The following APBA2 variants were observed in gnomAD, a reference collection of about 807,000 sequenced individuals.
The protein encoded by APBA2 is amyloid-beta A4 precursor protein-binding family A member 2.
Under a neutral mutation model 75.0 loss-of-function variants are expected in APBA2, and 30 were observed. The observed-to-expected ratio is 0.40, with a 90% CI of 0.30 to 0.54. The LOEUF is 0.54. Among genes scored for constraint, APBA2 ranks in the 20% least tolerant of loss-of-function variants. The probability of loss-of-function intolerance (pLI) is 0.49; values close to 1 mark genes in which losing one functional copy is unlikely to be tolerated. For synonymous variants in APBA2, 444 were observed against 409.6 expected (o/e 1.08, Z -1.01); for missense variants, 801 against 1,016.1 (o/e 0.79, Z 2.88).
chr15:29,064,860 G>A (rs1338078474), intron 4 of APBA2, among the ~76,000 whole-genome samples: 4 of 152,144 alleles, frequency 2.6e-5, no homozygotes, highest in South Asian at 2.1e-4. Context: ...ACCCGTTGGC[G>A]GTGGCCACCT....
chr15:29,099,766 T>G (rs2044026392), intron 9 of APBA2, among the ~76,000 whole-genome samples: 1 of 152,064 alleles, frequency 6.6e-6, no homozygotes, highest in Non-Finnish European at 1.5e-5. Flanking sequence ...ACACCTGGGG[T>G]GGGAGGATGG....
Position 28,900,513 on chromosome 15 carries a change from A to G in APBA2, c.-205+14235A>G, listed in dbSNP as rs761978805. On this transcript the variant is annotated intron_variant, in intron 1 of 14. Coordinates refer to ENST00000683413, the MANE Select transcript of APBA2 (RefSeq NM_001353788.2). Reference sequence around the variant, plus strand: ...GGCTTTGTCATCTTCTTTCCAGCCAAGGGGGCTGTCCCGACAGACTCTCCC... The same window carrying G: ...GGCTTTGTCATCTTCTTTCCAGCCAGGGGGGCTGTCCCGACAGACTCTCCC... Among the ~76,000 whole-genome samples the G allele has an allele frequency of 1.2e-4, 19 of 152,310 alleles. 1 individual carries two copies. Among genetic ancestry groups the G allele is most frequent in the South Asian group, 1.0e-3 (5 of 4,828 alleles).
intron 2 of APBA2, among the ~76,000 whole-genome samples, chr15:28,948,798 G>A (rs2035688848): frequency 2.0e-5 from 3 of 152,160 alleles, no homozygotes; most frequent in Non-Finnish European, 4.4e-5. Flanking sequence ...GCAGGAAGCA[G>A]TTGTTTGGGA....
At chr15:29,035,137 G>C (rs949683779) in intron 3 of APBA2, among the ~76,000 whole-genome samples, 1 of 152,166 alleles carries the variant, frequency 6.6e-6, no homozygotes, top group African/African-American at 2.4e-5. Flanking sequence ...GGCTGTTCTT[G>C]CAGGGGAGGG....
chr15:29,050,482 C>T (rs996533568), intron 3 of APBA2, among the ~76,000 whole-genome samples: 1 of 152,090 alleles, frequency 6.6e-6, no homozygotes, highest in African/African-American at 2.4e-5. Flanking sequence ...ATATTGTTGT[C>T]GTAGTGTTAT....
chr15:28,914,049 G>A (rs1180175200), intron 1 of APBA2, among the ~76,000 whole-genome samples: 1 of 152,182 alleles, frequency 6.6e-6, no homozygotes, highest in African/African-American at 2.4e-5. Context: ...GAAACATTGG[G>A]TTTTTAAAAA....
chr15:28,891,140 T>C (rs1434442943), intron 1 of APBA2, among the ~76,000 whole-genome samples: 1 of 152,232 alleles, frequency 6.6e-6, no homozygotes, highest in Admixed American at 6.5e-5. Context: ...TGGAATGAAA[T>C]GCACATCATT....
At chr15:28,955,305 G>A (rs1172326166) in intron 2 of APBA2, among the ~76,000 whole-genome samples, 1 of 152,018 alleles carries the variant, frequency 6.6e-6, no homozygotes, top group African/African-American at 2.4e-5. Context: ...TGGGTCCCCA[G>A]CAGTCTGTAA....
At position 28,949,439 on chromosome 15, in the gene APBA2, C is replaced by G. The variant is rs147146974; in HGVS notation, c.-95+27690C>G. 9.3e-4 allele frequency among the ~76,000 whole-genome samples: 141 copies of G among 152,240 alleles called. 2 individuals carry two copies. The East Asian group carries it at 0.025, about 27-fold the overall frequency. ...CCTACGCATCACGGAGGAGAGGTGCCTGCCCTCCTGGGAGCCGTGCCTATT... is the reference window on the plus strand; with the variant it reads ...CCTACGCATCACGGAGGAGAGGTGCGTGCCCTCCTGGGAGCCGTGCCTATT... On this transcript the variant is annotated intron_variant, in intron 2 of 14. Transcript: ENST00000683413.
chr15:29,021,189 A>G (rs2039936181), intron 3 of APBA2, among the ~76,000 whole-genome samples: 3 of 152,170 alleles, frequency 2.0e-5, no homozygotes. Context: ...AAAAAATATG[A>G]AAGGAATTAA....
At chr15:29,060,609 C>T (rs770106989) in intron 4 of APBA2, among the ~76,000 whole-genome samples, 24 of 152,114 alleles carry the variant, frequency 1.6e-4, no homozygotes, top group African/African-American at 5.1e-4. Flanking sequence ...GAGTGGGATA[C>T]GGTGCCAGTG....
At chr15:28,993,017 C>T (rs1388020417) in intron 2 of APBA2, among the ~76,000 whole-genome samples, 2 of 152,304 alleles carry the variant, frequency 1.3e-5, no homozygotes, top group Non-Finnish European at 2.9e-5. Flanking sequence ...GTCCTCACTG[C>T]CCCTGGAGGG....
intron 6 of APBA2, among the ~76,000 whole-genome samples, chr15:29,084,954 T>C (rs2043223972): frequency 6.6e-6 from 1 of 152,220 alleles, no homozygotes; most frequent in African/African-American, 2.4e-5. Context: ...GCAAAAACTT[T>C]CGTACATATT....
intron 6 of APBA2, among the ~76,000 whole-genome samples, chr15:29,081,903 A>G (rs1181371081): frequency 1.3e-5 from 2 of 152,176 alleles, no homozygotes; most frequent in African/African-American, 2.4e-5. Context: ...GTTCCTGGCT[A>G]TGGCAGGGGT....
chr15:28,919,075 T>C (rs796766932), intron 1 of APBA2, among the ~76,000 whole-genome samples: 3 of 152,292 alleles, frequency 2.0e-5, no homozygotes, highest in African/African-American at 7.2e-5. Flanking sequence ...TTAGCAAAGA[T>C]GGTCTCAATC....
chr15:28,949,154 G>A (rs1292435326), intron 2 of APBA2, among the ~76,000 whole-genome samples: 2 of 151,972 alleles, frequency 1.3e-5, no homozygotes, highest in South Asian at 2.1e-4. Flanking sequence ...CAGGTTGTCC[G>A]TTCATGTGCC....
intron 3 of APBA2, among the ~76,000 whole-genome samples, chr15:29,052,023 C>A (rs1238400523): frequency 1.3e-5 from 2 of 152,082 alleles, no homozygotes. Flanking sequence ...TAAGCATTTT[C>A]AAGTGTGCAA....
chr15:29,020,947 C>T (rs192144162), intron 3 of APBA2, among the ~76,000 whole-genome samples: 74 of 152,218 alleles, frequency 4.9e-4, no homozygotes, highest in Middle Eastern at 6.8e-3. Flanking sequence ...TACTGCGGCA[C>T]GAACCTCAGA....
At chr15:29,025,621 G>A (rs1468966156) in intron 3 of APBA2, among the ~76,000 whole-genome samples, 2 of 152,070 alleles carry the variant, frequency 1.3e-5, no homozygotes, top group African/African-American at 4.8e-5. Flanking sequence ...ACGGATGGTG[G>A]TGGATTGGAC....
Sources: gnomAD v4.1 joint callset for allele counts (sites outside exome capture counted in the v4.1 genomes callset) on GRCh38, gnomAD v4.1.1 for gene constraint, MANE v1.5 for transcripts, NCBI Gene and HGNC (gene_info 2026-07-23, HGNC 2026-07-21) for gene names.